CFAP70: variants seen among roughly 807,000 people sequenced by gnomAD.
CFAP70 encodes the protein cilia- and flagella-associated protein 70.
Under a neutral mutation model 137.6 loss-of-function variants are expected in CFAP70, and 81 were observed. That is an observed-to-expected ratio of 0.59 (90% CI 0.49 to 0.71). The LOEUF (loss-of-function observed/expected upper bound fraction) is 0.71. CFAP70 is among the 30% of genes least tolerant of loss of function. The pLI is 0.00. For synonymous variants in CFAP70, 382 were observed against 423.6 expected (o/e 0.90, Z 1.20); for missense variants, 976 against 1,226.7 (o/e 0.80, Z 3.05).
intron 13 of CFAP70, among the ~76,000 whole-genome samples, chr10:73,299,393 C>T (rs775865211): frequency 2.0e-5 from 3 of 152,048 alleles, no homozygotes; most frequent in Non-Finnish European, 4.4e-5. Flanking sequence ...TGTAAAATGC[C>T]CTTTTCTTCC....
At chr10:73,290,537 G>A (rs1190316189) in intron 19 of CFAP70, among the ~76,000 whole-genome samples, 1 of 152,152 alleles carries the variant, frequency 6.6e-6, no homozygotes, top group Non-Finnish European at 1.5e-5. Context: ...TATTAAATAT[G>A]TGCAGTTTTT....
chr10:73,326,491 C>T (rs554413610), intron 8 of CFAP70, among the ~76,000 whole-genome samples: 6,618 of 146,776 alleles, frequency 0.045, 424 homozygotes, highest in African/African-American at 0.15. Context: ...AAAATCAGAG[C>T]AGAACTGAAG....
chr10:73,264,470 T>G (rs2045569578), intron 25 of CFAP70, among the ~76,000 whole-genome samples: 1 of 152,244 alleles, frequency 6.6e-6, no homozygotes, highest in Non-Finnish European at 1.5e-5. Context: ...TATCTCCCAT[T>G]CTAATCCACC....
chr10:73,273,084 C>G, intron 23 of CFAP70, 67 bp from the exon 25 acceptor site: 1 of 1,210,574 alleles, frequency 8.3e-7, no homozygotes, highest in Admixed American at 2.0e-5. Context: ...CTGGGATGAT[C>G]ATGGGATCTC....
intron 14 of CFAP70, among the ~76,000 whole-genome samples, chr10:73,298,334 G>C (rs1233325580): frequency 6.6e-6 from 1 of 152,186 alleles, no homozygotes; most frequent in East Asian, 1.9e-4. Flanking sequence ...TATTATTCAA[G>C]AAATGATTAT....
intron 24 of CFAP70, among the ~76,000 whole-genome samples, chr10:73,271,730 T>C (rs1230170719): frequency 6.6e-6 from 1 of 152,182 alleles, no homozygotes; most frequent in East Asian, 1.9e-4. Context: ...GGTTTTGCTC[T>C]GTCACCCAGC....
intron 4 of CFAP70, among the ~76,000 whole-genome samples, chr10:73,345,688 C>G (rs181001352): frequency 2.5e-3 from 373 of 151,856 alleles, no homozygotes; most frequent in African/African-American, 8.5e-3. Flanking sequence ...GCCTGTAGTC[C>G]CAGCTGCTGG....
intron 12 of CFAP70, among the ~76,000 whole-genome samples, chr10:73,301,784 C>T (rs1021753614): frequency 5.9e-5 from 9 of 152,062 alleles, no homozygotes; most frequent in Non-Finnish European, 8.8e-5. Flanking sequence ...AAGTTCACAT[C>T]GGACAGGTAA....
intron 25 of CFAP70, among the ~76,000 whole-genome samples, chr10:73,268,414 C>T (rs766654140): frequency 6.6e-6 from 1 of 152,182 alleles, no homozygotes; most frequent in African/African-American, 2.4e-5. Context: ...CTCATTTGTA[C>T]TTGAAAAGAA....
At chr10:73,256,945 C>T (rs1291330337) in intron 25 of CFAP70, among the ~76,000 whole-genome samples, 1 of 150,964 alleles carries the variant, frequency 6.6e-6, no homozygotes, top group Non-Finnish European at 1.5e-5. Context: ...ATTCCTCCTT[C>T]CTTTTGAAAA....
At chr10:73,334,208 T>C (rs1308715475) in intron 7 of CFAP70, among the ~76,000 whole-genome samples, 3 of 152,214 alleles carry the variant, frequency 2.0e-5, no homozygotes, top group Admixed American at 1.3e-4. Context: ...ACAATATCAG[T>C]GTACCTGTTC....
upstream of CFAP70, among the ~76,000 whole-genome samples, chr10:73,361,857 T>C (rs186875285): frequency 3.2e-4 from 48 of 152,280 alleles, no homozygotes; most frequent in African/African-American, 1.0e-3. Flanking sequence ...CCAACTGTTT[T>C]TTTTTTCTTT....
intron 8 of CFAP70, among the ~76,000 whole-genome samples, chr10:73,327,894 G>A (rs2051637495): frequency 1.3e-5 from 2 of 152,138 alleles, no homozygotes; most frequent in African/African-American, 4.8e-5. Context: ...AATCAATATC[G>A]TGAAAATGGC....
intron 18 of CFAP70, 75 bp downstream of exon 19, chr10:73,291,565 T>C (rs191601530): frequency 8.8e-5 from 132 of 1,492,588 alleles, no homozygotes; most frequent in Non-Finnish European, 1.0e-4. Context: ...TGATGAGCCA[T>C]TGAAGAAGAG....
intron 9 of CFAP70, 77 bp from the exon 11 acceptor site, chr10:73,312,720 C>A: frequency 1.6e-6 from 2 of 1,280,770 alleles, no homozygotes; most frequent in East Asian, 2.5e-5. Context: ...TTTTTTTTTA[C>A]CATTTAGTCT....
chr10:73,314,842 T>C (rs988281213), intron 9 of CFAP70, among the ~76,000 whole-genome samples: 7 of 151,270 alleles, frequency 4.6e-5, no homozygotes, highest in African/African-American at 1.7e-4. Context: ...CTGGCCTCAA[T>C]GATCTGCCCA....
At chr10:73,285,067 G>A (rs2047590030) in intron 19 of CFAP70, among the ~76,000 whole-genome samples, 2 of 151,732 alleles carry the variant, frequency 1.3e-5, no homozygotes, top group South Asian at 4.2e-4. Context: ...CAAGAGGTAG[G>A]CAAATTAGAT....
At chr10:73,311,783 T>C (rs748024335) in intron 11 of CFAP70, 51 bp downstream of exon 12, 10 of 1,361,750 alleles carry the variant, frequency 7.3e-6, no homozygotes, top group Non-Finnish European at 1.0e-5. Flanking sequence ...CCTTGCTTAA[T>C]AAAGGTCTGG....
intron 19 of CFAP70, among the ~76,000 whole-genome samples, chr10:73,282,104 T>C (rs1156615287): frequency 8.4e-6 from 1 of 119,678 alleles, no homozygotes; most frequent in East Asian, 4.0e-4. Context: ...ATATTGAGGC[T>C]GGGGAAGGCT....
Sources: gnomAD v4.1 joint callset for allele counts (sites outside exome capture counted in the v4.1 genomes callset) on GRCh38, gnomAD v4.1.1 for gene constraint, MANE v1.5 for transcripts, NCBI Gene and HGNC (gene_info 2026-07-23, HGNC 2026-07-21) for gene names.